The following GUCY1A2 variants were observed in gnomAD, a reference collection of about 807,000 sequenced individuals.
GUCY1A2 encodes guanylate cyclase 1 soluble subunit alpha 2.
Under a neutral mutation model 63.5 loss-of-function variants are expected in GUCY1A2, and 27 were observed. The observed-to-expected ratio is 0.43, with a 90% CI of 0.31 to 0.59. The LOEUF (loss-of-function observed/expected upper bound fraction) is 0.59, where lower values mean the gene tolerates loss of function less well. GUCY1A2 is among the 20% of genes least tolerant of loss of function. The probability of loss-of-function intolerance (pLI) is 0.11; values close to 1 mark genes in which losing one functional copy is unlikely to be tolerated. For synonymous variants in GUCY1A2, 364 were observed against 343.5 expected (o/e 1.06, Z -0.66); for missense variants, 768 against 913.3 (o/e 0.84, Z 2.05).
At chr11:106,748,189 CT>C (rs984484376) in intron 6 of GUCY1A2, among the ~76,000 whole-genome samples, 30 of 152,280 alleles carry the variant, frequency 2.0e-4, no homozygotes, top group Admixed American at 2.6e-4. Flanking sequence ...GTAATTTTCT[CT>C]TCTAAAAGGT....
At chr11:106,834,149 G>T (rs1002773998) in intron 4 of GUCY1A2, among the ~76,000 whole-genome samples, 3 of 151,782 alleles carry the variant, frequency 2.0e-5, no homozygotes, top group Non-Finnish European at 1.5e-5. Context: ...TGTACATTAG[G>T]TCCCTAGAAC....
rs574126920 is a variant in GUCY1A2, at chr11:106,714,716, A to G, written c.1837-6050T>C. On this transcript the variant is annotated intron_variant, in intron 6 of 7. Transcript: ENST00000526355. ...TGAGCCCCTCAGTGGACATTTGGCA[A>G]TGTCTGGAAGCATTTTTGATTCTCA... 3.9e-5 allele frequency among the ~76,000 whole-genome samples: 6 copies of G among 151,964 alleles called. No homozygotes were observed. The East Asian group carries it at 1.2e-3, about 29-fold the overall frequency.
intron 6 of GUCY1A2, among the ~76,000 whole-genome samples, chr11:106,709,830 A>G (rs1214699728): frequency 5.2e-5 from 7 of 135,560 alleles, no homozygotes; most frequent in African/African-American, 1.6e-4. Flanking sequence ...TATATTATAT[A>G]CACGTATAGA....
At chr11:106,945,468 GAGA>G (rs1345667510) in intron 3 of GUCY1A2, among the ~76,000 whole-genome samples, 5 of 152,110 alleles carry the variant, frequency 3.3e-5, no homozygotes, top group African/African-American at 1.2e-4. Flanking sequence ...GTCTGGTTAA[GAGA>G]AGAAGGAAAA....
intron 5 of GUCY1A2, among the ~76,000 whole-genome samples, chr11:106,794,449 G>A (rs1409269048): frequency 2.0e-5 from 3 of 151,330 alleles, no homozygotes; most frequent in African/African-American, 7.3e-5. Context: ...AACTAATACT[G>A]TATTTTATAC....
intron 4 of GUCY1A2, among the ~76,000 whole-genome samples, chr11:106,890,827 C>T (rs1859963699): frequency 6.6e-6 from 1 of 152,134 alleles, no homozygotes; most frequent in Non-Finnish European, 1.5e-5. Flanking sequence ...AGTTCCACCA[C>T]ATTGCAATGA....
chr11:106,706,532 T>C (rs891731445), intron 7 of GUCY1A2, among the ~76,000 whole-genome samples: 1 of 148,766 alleles, frequency 6.7e-6, no homozygotes, highest in African/African-American at 2.5e-5. Context: ...CACAGACTTG[T>C]ATGGCTGGCA....
At chr11:106,741,527 G>T (rs1180732254) in intron 6 of GUCY1A2, among the ~76,000 whole-genome samples, 1 of 152,158 alleles carries the variant, frequency 6.6e-6, no homozygotes, top group Admixed American at 6.5e-5. Context: ...CACAGAAATG[G>T]AGCTTGGGAG....
Position 107,007,785 on chromosome 11 carries a change from T to C in GUCY1A2, c.303+9968A>G, listed in dbSNP as rs186512723. ...TAAGATAGATATATGGATATGCTGG[T>C]TTGTAGAATTGTATTTAATAGAATG... On this transcript the variant is annotated intron_variant, in intron 1 of 7. Coordinates refer to ENST00000526355, the MANE Select transcript of GUCY1A2 (RefSeq NM_000855.3). Among the ~76,000 whole-genome samples the C allele has an allele frequency of 2.5e-3, 386 of 152,328 alleles. 1 individual carries two copies. The highest frequency in any genetic ancestry group is 8.7e-3 in the African/African-American group (362 of 41,578).
intron 6 of GUCY1A2, among the ~76,000 whole-genome samples, chr11:106,719,111 A>G (rs2135361512): frequency 6.6e-6 from 1 of 152,268 alleles, no homozygotes; most frequent in South Asian, 2.1e-4. Context: ...CCTTGTATTA[A>G]TATCCTTGTT....
At chr11:106,914,722 T>G (rs2119879579) in intron 4 of GUCY1A2, among the ~76,000 whole-genome samples, 1 of 151,802 alleles carries the variant, frequency 6.6e-6, no homozygotes, top group African/African-American at 2.4e-5. Flanking sequence ...TTTTAAAAAT[T>G]GAAAATATGA....
intron 4 of GUCY1A2, among the ~76,000 whole-genome samples, chr11:106,869,431 A>G (rs1375422722): frequency 6.6e-6 from 1 of 152,202 alleles, no homozygotes; most frequent in Non-Finnish European, 1.5e-5. Flanking sequence ...AAACAACCCC[A>G]TCAACAAGGG....
Position 106,678,793 on chromosome 11 carries a change from T to C in GUCY1A2, c.*8756A>G, listed in dbSNP as rs1862387143. 1.0e-5 allele frequency: 2 copies of C among 196,192 alleles called. No homozygotes were observed. The highest frequency in any genetic ancestry group is 1.1e-5 in the Non-Finnish European group (1 of 94,510). 12.2% of individuals were successfully genotyped at this position (196,192 alleles called of 1,614,324 possible). On this transcript the variant is annotated 3_prime_UTR_variant, in exon 8 of 8. Coordinates refer to ENST00000526355, the MANE Select transcript of GUCY1A2 (RefSeq NM_000855.3). ...CTATTATCCTTAATGTTTATGTTAT[T>C]TTAAAAAGTGTAATATTTTAAGTAA...
At chr11:106,936,917 G>T (rs1565337012) in intron 4 of GUCY1A2, among the ~76,000 whole-genome samples, 1 of 151,928 alleles carries the variant, frequency 6.6e-6, no homozygotes, top group Non-Finnish European at 1.5e-5. Flanking sequence ...AGCTATTATG[G>T]GGAAAATAAT....
intron 6 of GUCY1A2, among the ~76,000 whole-genome samples, chr11:106,762,324 T>C (rs1864079960): frequency 6.6e-6 from 1 of 152,106 alleles, no homozygotes; most frequent in Non-Finnish European, 1.5e-5. Context: ...AGATAAAAAC[T>C]ATAATCATCC....
At chr11:106,762,706 A>G (rs1489123147) in intron 6 of GUCY1A2, among the ~76,000 whole-genome samples, 2 of 152,076 alleles carry the variant, frequency 1.3e-5, no homozygotes, top group East Asian at 1.9e-4. Flanking sequence ...GTCCCTCTGA[A>G]AATATTTTAA....
intron 4 of GUCY1A2, chr11:106,827,824 C>T (rs1056566987): frequency 1.9e-6 from 3 of 1,598,976 alleles, no homozygotes; most frequent in Admixed American, 3.3e-5. Flanking sequence ...GCACAAGTGA[C>T]GCCCGCGATG....
At chr11:106,844,839 A>G (rs1416936171) in intron 4 of GUCY1A2, among the ~76,000 whole-genome samples, 2 of 151,770 alleles carry the variant, frequency 1.3e-5, no homozygotes, top group East Asian at 3.9e-4. Flanking sequence ...CAAGAACAAT[A>G]TCTTACTCTT....
chr11:107,008,639 T>C (rs1050048926), intron 1 of GUCY1A2, among the ~76,000 whole-genome samples: 19 of 152,132 alleles, frequency 1.2e-4, no homozygotes, highest in African/African-American at 3.6e-4. Flanking sequence ...TGCGCATACA[T>C]AGATAAATAA....
Sources: allele counts gnomAD v4.1 joint callset (sites outside exome capture counted in the v4.1 genomes callset), GRCh38; gene constraint gnomAD v4.1.1; transcripts MANE v1.5; gene names NCBI Gene and HGNC (gene_info 2026-07-23, HGNC 2026-07-21).